ZDBF2: variants seen among roughly 807,000 people sequenced by gnomAD.
ZDBF2 encodes the protein DBF4-type zinc finger-containing protein 2.
A neutral mutation model predicts 9.4 loss-of-function variants in ZDBF2; 6 were observed. That is an observed-to-expected ratio of 0.64 (90% confidence interval 0.35 to 1.27). The LOEUF is 1.27. ZDBF2 is among the 50% of genes most tolerant of loss of function. The pLI is 0.03. For missense variants in ZDBF2, 2,697 were observed against 2,766.8 expected (o/e 0.97, Z 0.57); for synonymous variants, 905 against 946.3 (o/e 0.96, Z 0.80).
chr2:206,307,637 A>G lies in ZDBF2; in HGVS notation c.3109A>G (p.Ser1037Gly). ...YVLENKNDKCSGSEIILDSNV... is the reference protein window; with the variant it reads ...YVLENKNDKCGGSEIILDSNV... Reference sequence around the variant, plus strand: ...TCTAGAAAACAAGAATGATAAATGTAGTGGTTCTGAAATAATTTTGGATTC... The same window carrying G: ...TCTAGAAAACAAGAATGATAAATGTGGTGGTTCTGAAATAATTTTGGATTC... Residue 1037 changes from serine (S) to glycine (G), a missense_variant, in exon 5 of 5, where the codon AGT (serine) becomes GGT (glycine). By Grantham distance (56) the Ser-to-Gly change is moderately conservative. Coordinates refer to ENST00000374423, the MANE Select transcript of ZDBF2 (RefSeq NM_020923.3). 1 of 1,612,350 alleles carries G rather than the reference A, an allele frequency of 6.2e-7. No individual in the cohort carries two copies. The highest frequency in any genetic ancestry group is 8.5e-7 in the Non-Finnish European group (1 of 1,179,360).
chr2:206,295,348 T>C (rs1198970129), intron 3 of ZDBF2, among the ~76,000 whole-genome samples: 1 of 149,492 alleles, frequency 6.7e-6, no homozygotes, highest in Admixed American at 6.9e-5. Context: ...TAATTCTTTT[T>C]TTTTCTTTTC....
In ZDBF2 at chr2:206,312,641, C is replaced by G. The variant is rs1693251779; in HGVS notation, c.*1048C>G. On this transcript the variant is annotated 3_prime_UTR_variant, in exon 5 of 5. Transcript: ENST00000374423. Reference sequence around the variant, plus strand: ...ATGTTGGCCAGGCTGGTCTCAAACTCCTGACCTTGTGGTCCACCCGCCTCA... The same window carrying G: ...ATGTTGGCCAGGCTGGTCTCAAACTGCTGACCTTGTGGTCCACCCGCCTCA... 6.6e-6 allele frequency: 1 copy of G among 152,162 alleles called. No homozygotes were observed. Among genetic ancestry groups the G allele is most frequent in the Non-Finnish European group, 1.5e-5 (1 of 68,048 alleles). 9.4% of individuals were successfully genotyped at this position (152,162 alleles called of 1,614,324 possible).
rs549453575 is a variant in ZDBF2 at position 206,291,380 on chromosome 2, C to G, written c.61-5866C>G. Reference sequence around the variant, plus strand: ...CACTGATCTGACAGGAGGTGAAGCTCAGGTGGAAACGCTTGCTTGCCTGCC... The same window carrying G: ...CACTGATCTGACAGGAGGTGAAGCTGAGGTGGAAACGCTTGCTTGCCTGCC... On this transcript the variant is annotated intron_variant, in intron 3 of 4. Transcript: ENST00000374423. Among the ~76,000 whole-genome samples the G allele has an allele frequency of 4.7e-4, 71 of 152,312 alleles. 3 individuals are homozygous for G. In the South Asian group the frequency reaches 0.014, roughly 30 times the overall value.
chr2:206,288,598 G>A (rs1386682606), intron 3 of ZDBF2, among the ~76,000 whole-genome samples: 2 of 152,192 alleles, frequency 1.3e-5, no homozygotes, highest in Non-Finnish European at 2.9e-5. Context: ...TAGGCTCATA[G>A]GCTTATGAAC....
chr2:206,311,363 GCC>G lies in ZDBF2; in HGVS notation c.6836_6837del (p.Ala2279GlyfsTer30), dbSNP rs757308890. Reference protein sequence around the residue: ...LLNSSVPPAGAEELSSAMANP... With the variant: ...LLNSSVPPAGXEELSSAMANP... ...GAACTCTTCAGTTCCACCAGCTGGT[GCC>G]GAAGAGCTGTCAAGCGCTATGGCAA... On this transcript the variant is annotated frameshift_variant, in exon 5 of 5. Transcript: ENST00000374423. LOFTEE classifies it low-confidence loss of function (END_TRUNC). 90 of 1,606,056 alleles carry G rather than the reference GCC, an allele frequency of 5.6e-5. 1 individual carries two copies. In the South Asian group the frequency reaches 9.6e-4, roughly 17 times the overall value.
At chr2:206,283,703 G>T (rs913899865) in intron 3 of ZDBF2, among the ~76,000 whole-genome samples, 3 of 151,484 alleles carry the variant, frequency 2.0e-5, no homozygotes, top group African/African-American at 7.3e-5. Flanking sequence ...TTGCATTATT[G>T]CCCAGGCTGG....
At position 206,305,478 on chromosome 2, in the gene ZDBF2, C is replaced by T; in HGVS notation, c.950C>T (p.Ser317Phe). Reference protein sequence around the residue: ...AVNPNKTDMPSNKGIFEDTIA... With the variant: ...AVNPNKTDMPFNKGIFEDTIA... ...AACCCGAATAAAACTGACATGCCTT[C>T]TAATAAAGGAATCTTTGAAGATACT... The change falls in exon 5 of 5, where the codon TCT (serine) becomes TTT (phenylalanine). Residue 317 changes from serine to phenylalanine, a missense_variant. Ser to Phe is a radical substitution (Grantham distance 155). Coordinates refer to ENST00000374423, the MANE Select transcript of ZDBF2 (RefSeq NM_020923.3). The T allele has an allele frequency of 6.2e-7, 1 of 1,612,892 alleles. No individual in the cohort carries two copies. Among genetic ancestry groups the T allele is most frequent in the African/African-American group, 1.3e-5 (1 of 74,908 alleles).
chr2:206,292,507 T>C (rs1316297919), intron 3 of ZDBF2, among the ~76,000 whole-genome samples: 2 of 152,116 alleles, frequency 1.3e-5, no homozygotes, highest in Non-Finnish European at 2.9e-5. Flanking sequence ...ATTACAACTG[T>C]ATTCAATATT....
rs1693300411 is a variant in ZDBF2 at position 206,314,183 on chromosome 2, G to A, written c.*2590G>A. 1 of 149,544 alleles carries A rather than the reference G, an allele frequency of 6.7e-6. No homozygotes were observed. The highest frequency in any genetic ancestry group is 1.5e-5 in the Non-Finnish European group (1 of 67,614). 9.3% of individuals were successfully genotyped at this position (149,544 alleles called of 1,614,324 possible). ...TATTGTAATTGTCCTGAGTTCTACA[G>A]TATGTGAACAATATCGTGTGAAGTG... On this transcript the variant is annotated 3_prime_UTR_variant, in exon 5 of 5. Coordinates refer to ENST00000374423, the MANE Select transcript of ZDBF2 (RefSeq NM_020923.3).
In ZDBF2 at chr2:206,312,347, T is replaced by A. The variant is rs1693235658; in HGVS notation, c.*754T>A. 1 of 152,176 alleles carries A rather than the reference T, an allele frequency of 6.6e-6. No homozygotes were observed. Among genetic ancestry groups the A allele is most frequent in the South Asian group, 2.1e-4 (1 of 4,824 alleles). 9.4% of individuals were successfully genotyped at this position (152,176 alleles called of 1,614,324 possible). The stretch of plus-strand genomic sequence containing the variant: ...GGTGGCTTAATATGAAAATCCAGGT[T>A]ATTTTGTGGCCTTATCCCCTAAAAA... On this transcript the variant is annotated 3_prime_UTR_variant, in exon 5 of 5. Coordinates refer to ENST00000374423, the MANE Select transcript of ZDBF2 (RefSeq NM_020923.3).
chr2:206,310,817 G>A lies in ZDBF2; in HGVS notation c.6289G>A (p.Ala2097Thr), dbSNP rs1204281418. 5 of 1,613,890 alleles carry A rather than the reference G, an allele frequency of 3.1e-6. No individual in the cohort carries two copies. The South Asian group carries it at 5.5e-5, about 18-fold the overall frequency. Residue 2097 changes from alanine (A) to threonine (T), a missense_variant, in exon 5 of 5, where the codon GCT becomes ACT. By Grantham distance (58) the Ala-to-Thr change is moderately conservative. Transcript: ENST00000374423. ...NQNSSAGDND[A>T]DGQGSASAPL... ...AAACTCCAGTGCAGGAGATAATGATGCTGATGGACAAGGCTCTGCTTCAGC... is the reference window on the plus strand; with the variant it reads ...AAACTCCAGTGCAGGAGATAATGATACTGATGGACAAGGCTCTGCTTCAGC...
At position 206,306,044 on chromosome 2, in the gene ZDBF2, A is replaced by G. The variant is rs1474050238; in HGVS notation, c.1516A>G (p.Ser506Gly). ...FDCDASPQST[S>G]DYPQQSVTEV... Reference sequence around the variant, plus strand: ...TTGTGATGCTTCACCTCAGTCCACTAGTGACTACCCCCAACAATCTGTAAC... The same window carrying G: ...TTGTGATGCTTCACCTCAGTCCACTGGTGACTACCCCCAACAATCTGTAAC... Residue 506 changes from serine (S) to glycine (G), a missense_variant, in exon 5 of 5, where the codon AGT becomes GGT. Around this residue, in one of 3 missense-constraint regions of ZDBF2, gnomAD observed 910 missense variants for 973.6 expected, o/e 0.93. Coordinates refer to ENST00000374423, the MANE Select transcript of ZDBF2 (RefSeq NM_020923.3). 2 of 1,613,642 alleles carry G rather than the reference A, an allele frequency of 1.2e-6. No individual in the cohort carries two copies. Among genetic ancestry groups the G allele is most frequent in the African/African-American group, 1.3e-5 (1 of 74,920 alleles).
intron 3 of ZDBF2, among the ~76,000 whole-genome samples, chr2:206,289,254 G>A (rs758312677): frequency 1.3e-5 from 2 of 152,182 alleles, no homozygotes; most frequent in Admixed American, 6.5e-5. Flanking sequence ...TGTTCCTGGC[G>A]GCCATTTCTC....
rs1208987394 is a variant in ZDBF2, at chr2:206,310,591, G to A, written c.6063G>A (p.Glu2021=). ...CTTCTTTAAATATTAAACTGAAAGAGGGTGAAGGCCTTCCTTTCCCTAAAA... is the reference window on the plus strand; with the variant it reads ...CTTCTTTAAATATTAAACTGAAAGAAGGTGAAGGCCTTCCTTTCCCTAAAA... ...VLSSLNIKLK[E]GEGLPFPKMR... Residue 2021 remains glutamate (E), a synonymous_variant, in exon 5 of 5, where the codon GAG becomes GAA. Coordinates refer to ENST00000374423, the MANE Select transcript of ZDBF2 (RefSeq NM_020923.3). The A allele has an allele frequency of 6.2e-7, 1 of 1,611,102 alleles. No individual in the cohort carries two copies.
At chr2:206,291,499 G>A (rs1691897035) in intron 3 of ZDBF2, among the ~76,000 whole-genome samples, 1 of 152,086 alleles carries the variant, frequency 6.6e-6, no homozygotes. Context: ...AGAGGGAGAC[G>A]GCGATTTCTC....
intron 3 of ZDBF2, among the ~76,000 whole-genome samples, chr2:206,296,116 C>T (rs2105927827): frequency 6.6e-6 from 1 of 152,298 alleles, no homozygotes; most frequent in African/African-American, 2.4e-5. Context: ...AACTGCACCA[C>T]ACTGATATCT....
In ZDBF2 at chr2:206,305,479, T is replaced by G. The variant is rs1692732251; in HGVS notation, c.951T>G (p.Ser317=). 1 of 1,613,042 alleles carries G rather than the reference T, an allele frequency of 6.2e-7. No homozygotes were observed. Among genetic ancestry groups the G allele is most frequent in the South Asian group, 1.1e-5 (1 of 90,862 alleles). ...AVNPNKTDMP[S]NKGIFEDTIA... ...ACCCGAATAAAACTGACATGCCTTCTAATAAAGGAATCTTTGAAGATACTA... is the reference window on the plus strand; with the variant it reads ...ACCCGAATAAAACTGACATGCCTTCGAATAAAGGAATCTTTGAAGATACTA... The change falls in exon 5 of 5, where the codon TCT becomes TCG. Residue 317 remains serine (S), a synonymous_variant. Coordinates refer to ENST00000374423, the MANE Select transcript of ZDBF2 (RefSeq NM_020923.3).
At chr2:206,280,839 A>G (rs552971942) in intron 2 of ZDBF2, among the ~76,000 whole-genome samples, 2 of 152,256 alleles carry the variant, frequency 1.3e-5, no homozygotes, top group East Asian at 3.9e-4. Flanking sequence ...TTCTCATAAC[A>G]TGTTATAGAA....
intron 3 of ZDBF2, among the ~76,000 whole-genome samples, chr2:206,286,562 T>TA (rs74627955): frequency 0.12 from 16,972 of 145,848 alleles, 1,133 homozygotes; most frequent in East Asian, 0.16. Context: ...ATATGTGTCT[T>TA]AAAAAAAAAA....
Sources: gnomAD v4.1 joint callset for allele counts (sites outside exome capture counted in the v4.1 genomes callset) on GRCh38, gnomAD v4.1.1 for gene constraint, gnomAD v4.1.1 regional missense constraint, MANE v1.5 for transcripts, NCBI Gene and HGNC (gene_info 2026-07-23, HGNC 2026-07-21) for gene names.